The following BCL2L13 variants were observed in gnomAD, a reference collection of about 807,000 sequenced individuals.
BCL2L13 encodes bcl-2-like protein 13.
In BCL2L13, 13 loss-of-function variants were observed where a neutral mutation model predicts 25.8. The ratio of observed to expected loss-of-function variants is 0.50; its 90% confidence interval spans 0.33 to 0.80. The LOEUF (loss-of-function observed/expected upper bound fraction) is 0.80. BCL2L13 is among the 30% of genes least tolerant of loss of function. The pLI, the probability that BCL2L13 is intolerant of heterozygous loss-of-function variation, is 0.02. For missense variants in BCL2L13, 504 were observed against 574.9 expected (o/e 0.88, Z 1.26); for synonymous variants, 244 against 230.3 (o/e 1.06, Z -0.54).
intron 3 of BCL2L13, among the ~76,000 whole-genome samples, chr22:17,687,412 G>C (rs1320428688): frequency 6.6e-6 from 1 of 152,114 alleles, no homozygotes; most frequent in Non-Finnish European, 1.5e-5. Context: ...CATGATCAGG[G>C]CTCACTGCAG....
chr22:17,707,584 C>CTA (rs948578891), intron 6 of BCL2L13, among the ~76,000 whole-genome samples: 1 of 152,130 alleles, frequency 6.6e-6, no homozygotes, highest in African/African-American at 2.4e-5. Flanking sequence ...CGTTCTAAGA[C>CTA]TACTTGTAGA....
chr22:17,667,951 A>T (rs2059285474), intron 2 of BCL2L13, among the ~76,000 whole-genome samples: 1 of 143,084 alleles, frequency 7.0e-6, no homozygotes, highest in Admixed American at 7.3e-5. Context: ...ATTTTGGTGA[A>T]TTCCAGTTTG....
intron 4 of BCL2L13, among the ~76,000 whole-genome samples, chr22:17,693,465 C>G (rs763890656): frequency 2.0e-4 from 30 of 149,220 alleles, no homozygotes; most frequent in Non-Finnish European, 4.0e-4. Context: ...CTACAACTTC[C>G]GCCTCCCGGG....
At chr22:17,654,341 C>CCTGCCT (rs1460783746) in intron 1 of BCL2L13, among the ~76,000 whole-genome samples, 1 of 152,236 alleles carries the variant, frequency 6.6e-6, no homozygotes, top group East Asian at 1.9e-4. Flanking sequence ...AAGCAATCAA[C>CCTGCCT]CTGCCTCTGC....
intron 2 of BCL2L13, among the ~76,000 whole-genome samples, chr22:17,665,851 C>T (rs1002547972): frequency 6.6e-6 from 1 of 151,870 alleles, no homozygotes; most frequent in Non-Finnish European, 1.5e-5. Context: ...TATGAATATA[C>T]CATAGTTTGT....
intron 1 of BCL2L13, among the ~76,000 whole-genome samples, chr22:17,644,101 G>A (rs988453455): frequency 8.0e-5 from 12 of 150,930 alleles, no homozygotes; most frequent in Non-Finnish European, 1.5e-4. Flanking sequence ...GGTAGAGATG[G>A]GATTTCACCA....
intron 6 of BCL2L13, among the ~76,000 whole-genome samples, chr22:17,714,681 G>A (rs567410856): frequency 1.3e-5 from 2 of 152,228 alleles, no homozygotes; most frequent in South Asian, 2.1e-4. Flanking sequence ...TATTTGAACC[G>A]TTTATGATAT....
intron 6 of BCL2L13, among the ~76,000 whole-genome samples, chr22:17,716,789 G>GGAT (rs1234133779): frequency 6.6e-6 from 1 of 152,108 alleles, no homozygotes; most frequent in Non-Finnish European, 1.5e-5. Flanking sequence ...TGTAATGGCC[G>GGAT]GATGGTACCT....
chr22:17,642,454 C>T (rs1003951351), intron 1 of BCL2L13, among the ~76,000 whole-genome samples: 3 of 151,634 alleles, frequency 2.0e-5, no homozygotes, highest in Admixed American at 6.6e-5. Flanking sequence ...CCACCACGCC[C>T]GGCCTGTCTG....
chr22:17,718,513 A>G lies in BCL2L13; in HGVS notation c.601-8164A>G, dbSNP rs146317053. Reference sequence around the variant, plus strand: ...TGTGAGGTACTCTTTGTTAGCATTCATTATTGATGATGGTCCCAGAAATGT... The same window carrying G: ...TGTGAGGTACTCTTTGTTAGCATTCGTTATTGATGATGGTCCCAGAAATGT... On this transcript the variant is annotated intron_variant, in intron 6 of 6. Coordinates refer to ENST00000317582, the MANE Select transcript of BCL2L13 (RefSeq NM_015367.4). Among the ~76,000 whole-genome samples, 226 of 152,272 alleles carry G rather than the reference A, an allele frequency of 1.5e-3. 2 individuals are homozygous for G. The highest frequency in any genetic ancestry group is 5.2e-3 in the African/African-American group (218 of 41,558).
intron 1 of BCL2L13, among the ~76,000 whole-genome samples, chr22:17,641,945 G>T (rs1471555856): frequency 6.6e-6 from 1 of 151,254 alleles, no homozygotes; most frequent in Non-Finnish European, 1.5e-5. Context: ...GACTACAGGC[G>T]CCCGCCACCA....
chr22:17,648,090 A>T (rs1270776476), intron 1 of BCL2L13, among the ~76,000 whole-genome samples: 5 of 151,856 alleles, frequency 3.3e-5, no homozygotes, highest in Non-Finnish European at 5.9e-5. Flanking sequence ...AGGTCATGCC[A>T]CTGCACTCCT....
intron 2 of BCL2L13, among the ~76,000 whole-genome samples, chr22:17,667,963 C>CTTTTTTT (rs71201863): frequency 1.1e-4 from 8 of 71,680 alleles, no homozygotes; most frequent in Admixed American, 1.6e-4. Context: ...TCCAGTTTGT[C>CTTTTTTT]TTTTTTTTTT....
intron 5 of BCL2L13, among the ~76,000 whole-genome samples, chr22:17,701,915 CAAAAAAAAA>C (rs5844321): frequency 9.6e-6 from 1 of 104,450 alleles, no homozygotes; most frequent in Non-Finnish European, 2.0e-5. Flanking sequence ...GACTCCATCT[CAAAAAAAAA>C]AAAAAAAAAG....
intron 2 of BCL2L13, among the ~76,000 whole-genome samples, chr22:17,657,821 T>TAA (rs1290758804): frequency 1.1e-4 from 13 of 113,436 alleles, no homozygotes; most frequent in African/African-American, 5.0e-4. Context: ...TGGTTGACAT[T>TAA]TCTTTTTTTT....
intron 1 of BCL2L13, among the ~76,000 whole-genome samples, chr22:17,639,613 C>T (rs1224525947): frequency 6.6e-6 from 1 of 152,194 alleles, no homozygotes; most frequent in Non-Finnish European, 1.5e-5. Flanking sequence ...TAGCCACTCC[C>T]TGCACAAGTG....
chr22:17,701,570 G>C (rs1392581023), intron 5 of BCL2L13, among the ~76,000 whole-genome samples: 1 of 152,124 alleles, frequency 6.6e-6, no homozygotes, highest in Non-Finnish European at 1.5e-5. Context: ...TATTTTACTG[G>C]ATGACAATAA....
chr22:17,667,917 TCCTTTGACATACAAA>T (rs749217663), intron 2 of BCL2L13, among the ~76,000 whole-genome samples: 31 of 151,992 alleles, frequency 2.0e-4, no homozygotes, highest in Admixed American at 5.9e-4. Context: ...CTTGGCAGTA[TCCTTTGACATACAAA>T]CATTTTTAAT....
chr22:17,708,483 T>TG (rs1288867596), intron 6 of BCL2L13, among the ~76,000 whole-genome samples: 3 of 152,218 alleles, frequency 2.0e-5, no homozygotes, highest in African/African-American at 7.2e-5. Flanking sequence ...CTCATAGCAT[T>TG]GTTGTGAGGT....
Sources: gnomAD v4.1 joint callset for allele counts (sites outside exome capture counted in the v4.1 genomes callset) on GRCh38, gnomAD v4.1.1 for gene constraint, MANE v1.5 for transcripts, NCBI Gene and HGNC (gene_info 2026-07-23, HGNC 2026-07-21) for gene names.